Variants in TP73 observed in about 807,000 individuals in gnomAD.
TP73 encodes the protein tumor protein p73, also known as p53-like transcription factor.
A neutral mutation model predicts 62.5 loss-of-function variants in TP73; 25 were observed. The ratio of observed to expected loss-of-function variants is 0.40; its 90% confidence interval spans 0.29 to 0.56. The LOEUF (loss-of-function observed/expected upper bound fraction) is 0.56. Among genes scored for constraint, TP73 ranks in the 20% least tolerant of loss-of-function variants. The pLI is 0.46. For missense variants in TP73, 754 were observed against 913.3 expected, an observed-to-expected ratio of 0.83 and a Z score of 2.25; for synonymous variants, 423 against 377.5, an observed-to-expected ratio of 1.12 and a Z score of -1.40.
In TP73 at chr1:3,683,117, G is replaced by A. The variant is rs759564140; in HGVS notation, c.123G>A (p.Val41=). The A allele has an allele frequency of 1.9e-6, 3 of 1,612,634 alleles. No homozygotes were observed. The highest frequency in any genetic ancestry group is 3.3e-5 in the Admixed American group (2 of 59,968). Residue 41 remains valine (V), a synonymous_variant, in exon 3 of 14, where the codon GTG becomes GTA. Transcript: ENST00000378295. ...LPQSSRGNNE[V]VGGTDSSMDV... Reference sequence around the variant, plus strand: ...AGTCAAGCCGGGGGAATAATGAGGTGGTGGGCGGAACGGATTCCAGCATGG... The same window carrying A: ...AGTCAAGCCGGGGGAATAATGAGGTAGTGGGCGGAACGGATTCCAGCATGG...
At chr1:3,676,322 G>A (rs1427935006) in intron 1 of TP73, among the ~76,000 whole-genome samples, 1 of 146,162 alleles carries the variant, frequency 6.8e-6, no homozygotes, top group Non-Finnish European at 1.5e-5. Context: ...AGATGGGGAG[G>A]GGACAGAGGG....
At chr1:3,685,252 G>C (rs1645622722) in intron 3 of TP73, among the ~76,000 whole-genome samples, 1 of 152,192 alleles carries the variant, frequency 6.6e-6, no homozygotes, top group Admixed American at 6.5e-5. Context: ...GAGCGTGCTT[G>C]TCCTCCCCAG....
chr1:3,673,891 T>G (rs2102056166), intron 1 of TP73, among the ~76,000 whole-genome samples: 1 of 152,098 alleles, frequency 6.6e-6, no homozygotes, highest in East Asian at 1.9e-4. Flanking sequence ...GAACACGGAC[T>G]GGGGAGGGGA....
At chr1:3,726,220 G>T (rs1359997271) in intron 6 of TP73, among the ~76,000 whole-genome samples, 1 of 134,728 alleles carries the variant, frequency 7.4e-6, no homozygotes, top group Non-Finnish European at 1.6e-5. Flanking sequence ...GGGGTGGGTG[G>T]GTGGATGGAT....
At chr1:3,665,127 C>T (rs146003193) in intron 1 of TP73, among the ~76,000 whole-genome samples, 10 of 152,326 alleles carry the variant, frequency 6.6e-5, no homozygotes, top group Non-Finnish European at 1.2e-4. Flanking sequence ...CCGGCTGCAT[C>T]ATGACTACCA....
At chr1:3,716,490 T>C (rs1489073217) in intron 4 of TP73, among the ~76,000 whole-genome samples, 1 of 152,176 alleles carries the variant, frequency 6.6e-6, no homozygotes, top group African/African-American at 2.4e-5. Context: ...ACAGGGGCGA[T>C]TGCCACATGT....
intron 3 of TP73, among the ~76,000 whole-genome samples, chr1:3,687,884 T>C (rs555002672): frequency 1.3e-5 from 2 of 152,196 alleles, no homozygotes; most frequent in East Asian, 1.9e-4. Context: ...GGGAACCCAG[T>C]GGCAGGACAG....
At chr1:3,671,642 C>A (rs1402662871) in intron 1 of TP73, among the ~76,000 whole-genome samples, 2 of 152,242 alleles carry the variant, frequency 1.3e-5, no homozygotes, top group Non-Finnish European at 2.9e-5. Context: ...ATGTGCGGCC[C>A]TGGGCAGGCT....
chr1:3,695,883 A>G (rs1638609276), intron 3 of TP73, among the ~76,000 whole-genome samples: 1 of 152,182 alleles, frequency 6.6e-6, no homozygotes, highest in Non-Finnish European at 1.5e-5. Context: ...GTGGTACCAC[A>G]CCGTGGGATT....
intron 10 of TP73, 36 bp downstream of exon 10, chr1:3,729,484 G>A (rs1448394313): frequency 6.2e-7 from 1 of 1,611,564 alleles, no homozygotes; most frequent in Non-Finnish European, 8.5e-7. Context: ...GTGTGGGGAA[G>A]GAGGACATGG....
intron 1 of TP73, among the ~76,000 whole-genome samples, chr1:3,654,319 C>T (rs6697769): frequency 0.38 from 58,387 of 151,968 alleles, 12,557 homozygotes; most frequent in Non-Finnish European, 0.49. Flanking sequence ...GAGAATGGCT[C>T]GGGATGTGAG....
chr1:3,697,172 CA>C (rs1426324362), intron 3 of TP73, among the ~76,000 whole-genome samples: 2 of 107,694 alleles, frequency 1.9e-5, no homozygotes, highest in Non-Finnish European at 4.3e-5. Flanking sequence ...ACCCGCGGCC[CA>C]CGTCGCACCC....
chr1:3,680,055 G>A (rs927475875), intron 1 of TP73, among the ~76,000 whole-genome samples: 3 of 148,938 alleles, frequency 2.0e-5, no homozygotes, highest in Non-Finnish European at 4.5e-5. Context: ...CTCTATCCCT[G>A]TCTCTATGTC....
At chr1:3,694,321 C>T (rs113729224) in intron 3 of TP73, among the ~76,000 whole-genome samples, 7 of 26,480 alleles carry the variant, frequency 2.6e-4, no homozygotes, top group African/African-American at 4.8e-4. Flanking sequence ...CCCCTCCTCC[C>T]GCAATCCCAC....
rs1639132950 is a variant in TP73 at position 3,701,156 on chromosome 1, G to A, written c.187-6393G>A. Among the ~76,000 whole-genome samples the A allele has an allele frequency of 6.6e-6, 1 of 152,178 alleles. No homozygotes were observed. The highest frequency in any genetic ancestry group is 1.5e-5 in the Non-Finnish European group (1 of 68,024). Reference sequence around the variant, plus strand: ...GTTTCTGAGCGTCCTGTCGGTACTGGCTATCTGGACACCTCGGGGAACAGG... The same window carrying A: ...GTTTCTGAGCGTCCTGTCGGTACTGACTATCTGGACACCTCGGGGAACAGG... On this transcript the variant is annotated intron_variant, in intron 3 of 13. Coordinates refer to ENST00000378295, the MANE Select transcript of TP73 (RefSeq NM_005427.4). This position sits in a 1 kb window ranked among gnomAD's most constrained non-coding sequence, Gnocchi z 4.7.
chr1:3,714,658 G>A (rs960375315), intron 4 of TP73, among the ~76,000 whole-genome samples: 4 of 152,274 alleles, frequency 2.6e-5, no homozygotes, highest in Non-Finnish European at 5.9e-5. Flanking sequence ...AGCTGGCGCT[G>A]TCAAAAAGCA....
intron 5 of TP73, among the ~76,000 whole-genome samples, chr1:3,722,977 A>T (rs1448134700): frequency 6.3e-5 from 8 of 126,510 alleles, no homozygotes; most frequent in Non-Finnish European, 1.6e-5. Context: ...AGGGCTGGGC[A>T]CCTCTGCATC....
chr1:3,727,911 T>C lies in TP73; in HGVS notation c.985+141T>C, dbSNP rs1261498538. Reference sequence around the variant, plus strand: ...GCCCAGACTCCTCCCTGACGGAGCCTGAGAGCAGCCCCCATATAAGTCGCT... The same window carrying C: ...GCCCAGACTCCTCCCTGACGGAGCCCGAGAGCAGCCCCCATATAAGTCGCT... On this transcript the variant is annotated intron_variant, in intron 8 of 13. Transcript: ENST00000378295. 3.7e-6 allele frequency: 5 copies of C among 1,338,758 alleles called. No individual in the cohort carries two copies. In the Admixed American group the frequency reaches 1.4e-4, roughly 38 times the overall value. The allele number at this position is 1,338,758 out of a possible 1,614,324, so 82.9% of individuals were successfully genotyped here.
intron 3 of TP73, among the ~76,000 whole-genome samples, chr1:3,700,535 G>A (rs961306820): frequency 5.9e-5 from 9 of 152,232 alleles, no homozygotes; most frequent in Middle Eastern, 3.4e-3. Flanking sequence ...AATGCCCCAC[G>A]CCTGTAATCC....
Sources: allele counts gnomAD v4.1 joint callset (sites outside exome capture counted in the v4.1 genomes callset), GRCh38; gene constraint gnomAD v4.1.1; non-coding constraint Gnocchi (gnomAD v3.1); transcripts MANE v1.5; gene names NCBI Gene and HGNC (gene_info 2026-07-23, HGNC 2026-07-21).